Variants in MGST1 observed in about 807,000 individuals in gnomAD.
MGST1 encodes the protein microsomal glutathione S-transferase 1, also known as glutathione S-transferase 12.
MGST1 carries 5 observed loss-of-function variants against 8.9 expected under a neutral mutation model. The observed-to-expected ratio is 0.56, with a 90% CI of 0.29 to 1.19. MGST1 has a LOEUF of 1.19. MGST1 is among the 50% of genes most tolerant of loss of function. The pLI, the probability that MGST1 is intolerant of heterozygous loss-of-function variation, is 0.08. For synonymous variants in MGST1, 54 were observed against 67.8 expected, an observed-to-expected ratio of 0.80 and a Z score of 1.00; for missense variants, 182 against 187.4, an observed-to-expected ratio of 0.97 and a Z score of 0.17.
At chr12:16,561,290 A>G (rs199966099) in intron 4 of MGST1, among the ~76,000 whole-genome samples, 1 of 152,198 alleles carries the variant, frequency 6.6e-6, no homozygotes, top group Admixed American at 6.5e-5. Flanking sequence ...GTGAGGAAAT[A>G]TTTTATCCAT....
intron 1 of MGST1, among the ~76,000 whole-genome samples, chr12:16,391,239 G>A (rs1260870945): frequency 6.6e-6 from 1 of 151,182 alleles, no homozygotes; most frequent in Admixed American, 6.6e-5. Flanking sequence ...GTTTGCTGCA[G>A]CTATCAACCC....
chr12:16,447,321 A>G (rs1941087909), intron 4 of MGST1, among the ~76,000 whole-genome samples: 1 of 152,004 alleles, frequency 6.6e-6, no homozygotes, highest in African/African-American at 2.4e-5. Flanking sequence ...GTCTTTCCTC[A>G]CCACTCAGGT....
intron 4 of MGST1, among the ~76,000 whole-genome samples, chr12:16,516,978 A>T (rs1177104573): frequency 6.6e-6 from 1 of 152,210 alleles, no homozygotes; most frequent in African/African-American, 2.4e-5. Context: ...TCAGTACATT[A>T]TTTGATTTAG....
intron 4 of MGST1, chr12:16,550,320 A>G (rs2137237385): frequency 1.3e-5 from 2 of 152,574 alleles, no homozygotes; most frequent in Middle Eastern, 6.8e-3. Flanking sequence ...AAATCATCTC[A>G]TAATTGTGGT....
At chr12:16,487,188 T>G (rs1408936506) in intron 4 of MGST1, among the ~76,000 whole-genome samples, 1 of 152,176 alleles carries the variant, frequency 6.6e-6, no homozygotes, top group Non-Finnish European at 1.5e-5. Context: ...AACATTTGTG[T>G]GTCCTCTCTA....
intron 4 of MGST1, among the ~76,000 whole-genome samples, chr12:16,566,037 TATAA>T (rs1942597266): frequency 5.8e-5 from 5 of 86,166 alleles, no homozygotes; most frequent in East Asian, 3.6e-4. Context: ...TATATATATA[TATAA>T]AATGGAGTAC....
In MGST1 at chr12:16,392,278, A is replaced by C. The variant is rs543030198; in HGVS notation, n.778+8674A>C. On this transcript the variant is annotated intron_variant and non_coding_transcript_variant, in intron 1 of 1. Transcript: ENST00000359720. Reference sequence around the variant, plus strand: ...GCGTCTTCTTTGATTGCCTCTTCACATGACGATGATTGTGTAATTTGATTT... The same window carrying C: ...GCGTCTTCTTTGATTGCCTCTTCACCTGACGATGATTGTGTAATTTGATTT... Among the ~76,000 whole-genome samples, 3 of 152,306 alleles carry C rather than the reference A, an allele frequency of 2.0e-5. No homozygotes were observed. In the East Asian group the frequency reaches 5.8e-4, roughly 29 times the overall value.
rs1192060738 is a variant in MGST1, at chr12:16,375,982, TA to T, written c.222-139del. 5 of 455,656 alleles carry T rather than the reference TA, an allele frequency of 1.1e-5. No individual in the cohort carries two copies. The East Asian group carries it at 1.8e-4, about 17-fold the overall frequency. The allele number at this position is 455,656 out of a possible 1,614,324, so 28.2% of individuals were successfully genotyped here. On this transcript the variant is annotated intron_variant, in intron 3 of 3. Transcript: ENST00000535309. ...TGTTTAAATCTATGAGCTCATAAGATATATACACACACAACACCCACACACC... is the reference window on the plus strand; with the variant it reads ...TGTTTAAATCTATGAGCTCATAAGATTATACACACACAACACCCACACACC...
chr12:16,349,498 G>A (rs2136907118), intron 1 of MGST1, among the ~76,000 whole-genome samples: 1 of 152,172 alleles, frequency 6.6e-6, no homozygotes, highest in South Asian at 2.1e-4. Context: ...AAACTAAGTT[G>A]CAGTCTTGGT....
At chr12:16,516,894 C>G (rs188575093) in intron 4 of MGST1, among the ~76,000 whole-genome samples, 2 of 152,076 alleles carry the variant, frequency 1.3e-5, no homozygotes, top group Non-Finnish European at 2.9e-5. Context: ...GTCAATCTAT[C>G]AAATACTTTC....
At position 16,360,489 on chromosome 12, in the gene MGST1, T is replaced by C. The variant is rs1332127926; in HGVS notation, c.221+2790T>C. ...AAGATATGTGACTTAAAGTCAGTTA[T>C]TTGAGTTCTGGAAAGACAGAAACCA... On this transcript the variant is annotated intron_variant, in intron 3 of 3. Coordinates refer to ENST00000396210, the MANE Select transcript of MGST1 (RefSeq NM_020300.5). 5 of 450,244 alleles carry C rather than the reference T, an allele frequency of 1.1e-5. No individual in the cohort carries two copies. In the East Asian group the frequency reaches 4.7e-4, roughly 42 times the overall value. 27.9% of individuals were successfully genotyped at this position (450,244 alleles called of 1,614,324 possible).
chr12:16,586,599 G>A lies in MGST1; in HGVS notation n.483-2929G>A, dbSNP rs962012491. Among the ~76,000 whole-genome samples the A allele has an allele frequency of 6.6e-6, 1 of 152,160 alleles. No individual in the cohort carries two copies. The highest frequency in any genetic ancestry group is 2.4e-5 in the African/African-American group (1 of 41,440). ...AAGACACTGCATTTCATCTTTGGAC[G>A]TCCTTTCTTGGCAGGACCACTTGTC... On this transcript the variant is annotated intron_variant and non_coding_transcript_variant, in intron 4 of 4. Coordinates refer to the MGST1 transcript ENST00000538857. The surrounding 1 kb of genome is among the most constrained non-coding windows in gnomAD (Gnocchi z 4.3).
chr12:16,587,462 T>C lies in MGST1; in HGVS notation n.483-2066T>C, dbSNP rs1254550823. Among the ~76,000 whole-genome samples, 2 of 152,194 alleles carry C rather than the reference T, an allele frequency of 1.3e-5. No homozygotes were observed. Among genetic ancestry groups the C allele is most frequent in the Non-Finnish European group, 2.9e-5 (2 of 68,030 alleles). ...GAGAGCAAGGAATTCAAGTTCGATT[T>C]TTTTTTCTTTTACTTTGCCTACTAC... On this transcript the variant is annotated intron_variant and non_coding_transcript_variant, in intron 4 of 4. Coordinates refer to the MGST1 transcript ENST00000538857. This position sits in a 1 kb window ranked among gnomAD's most constrained non-coding sequence, Gnocchi z 4.3.
chr12:16,468,534 C>A (rs992618457), intron 4 of MGST1, among the ~76,000 whole-genome samples: 1 of 152,114 alleles, frequency 6.6e-6, no homozygotes, highest in Non-Finnish European at 1.5e-5. Flanking sequence ...AGATATAGTA[C>A]ATTATGATCA....
chr12:16,480,165 C>T (rs201533155), intron 4 of MGST1, among the ~76,000 whole-genome samples: 98 of 123,532 alleles, frequency 7.9e-4, no homozygotes, highest in East Asian at 4.2e-3. Context: ...TTTTTTGAGA[C>T]GGAGTCTCAC....
chr12:16,372,941 A>G (rs1391813894), intron 3 of MGST1, among the ~76,000 whole-genome samples: 1 of 142,058 alleles, frequency 7.0e-6, no homozygotes, highest in Non-Finnish European at 1.5e-5. Flanking sequence ...TATATTTTAT[A>G]TTATATATTA....
At chr12:16,578,752 A>T (rs1326121628) in intron 4 of MGST1, among the ~76,000 whole-genome samples, 1 of 151,994 alleles carries the variant, frequency 6.6e-6, no homozygotes, top group African/African-American at 2.4e-5. Flanking sequence ...TGGGAGGCGG[A>T]GTTTGCAGTG....
chr12:16,414,449 T>C (rs1317357883), intron 1 of MGST1, among the ~76,000 whole-genome samples: 1 of 151,088 alleles, frequency 6.6e-6, no homozygotes, highest in Non-Finnish European at 1.5e-5. Flanking sequence ...GGAGTCTTGC[T>C]CTGTTGCCCA....
intron 4 of MGST1, among the ~76,000 whole-genome samples, chr12:16,510,305 A>C (rs1373097690): frequency 6.6e-6 from 1 of 152,146 alleles, no homozygotes; most frequent in Non-Finnish European, 1.5e-5. Flanking sequence ...GAACCGAAGA[A>C]GGGAAGGGAA....
Sources: gnomAD v4.1 joint callset for allele counts (sites outside exome capture counted in the v4.1 genomes callset) on GRCh38, gnomAD v4.1.1 for gene constraint, Gnocchi (gnomAD v3.1) non-coding constraint, MANE v1.5 for transcripts, NCBI Gene and HGNC (gene_info 2026-07-23, HGNC 2026-07-21) for gene names.